Variants in TMEM108 observed in about 807,000 individuals in gnomAD.
The protein encoded by TMEM108 is transmembrane protein 108.
In TMEM108, 12 loss-of-function variants were observed where a neutral mutation model predicts 35.1. The observed-to-expected ratio is 0.34, with a 90% confidence interval of 0.22 to 0.55. TMEM108 has a LOEUF of 0.55. Among genes scored for constraint, TMEM108 ranks in the 20% least tolerant of loss-of-function variants. The pLI, the probability that TMEM108 is intolerant of heterozygous loss-of-function variation, is 0.89. For missense variants in TMEM108, 680 were observed against 753.3 expected (o/e 0.90, Z 1.14); for synonymous variants, 287 against 308.6 (o/e 0.93, Z 0.73).
intron 2 of TMEM108, among the ~76,000 whole-genome samples, chr3:133,057,578 C>G (rs954251975): frequency 6.7e-6 from 1 of 150,258 alleles, no homozygotes. Flanking sequence ...CTTCTGCATT[C>G]TTTGGTTATT....
At chr3:133,276,141 A>G (rs1946835443) in intron 3 of TMEM108, among the ~76,000 whole-genome samples, 1 of 152,230 alleles carries the variant, frequency 6.6e-6, no homozygotes, top group East Asian at 1.9e-4. Context: ...ATTAAGATAA[A>G]TAGCAAACAC....
At chr3:133,046,336 G>T (rs759006754) in intron 2 of TMEM108, among the ~76,000 whole-genome samples, 2 of 152,172 alleles carry the variant, frequency 1.3e-5, no homozygotes, top group Non-Finnish European at 2.9e-5. Context: ...ATGGGAACAG[G>T]GCCTGATTAT....
At chr3:133,316,583 G>C (rs771884071) in intron 3 of TMEM108, among the ~76,000 whole-genome samples, 18 of 152,246 alleles carry the variant, frequency 1.2e-4, no homozygotes, top group Non-Finnish European at 2.5e-4. Context: ...AAGGCAGGGA[G>C]AGGAGAAAGA....
At chr3:133,088,923 T>A (rs1943914553) in intron 2 of TMEM108, among the ~76,000 whole-genome samples, 1 of 152,158 alleles carries the variant, frequency 6.6e-6, no homozygotes, top group Admixed American at 6.5e-5. Context: ...AAGAAGAGAT[T>A]TAATTGGCTC....
rs549038334 is a variant in TMEM108 at position 133,229,232 on chromosome 3, C to G, written c.-46-34C>G. On this transcript the variant is annotated intron_variant, in intron 2 of 5. Coordinates refer to ENST00000321871, the MANE Select transcript of TMEM108 (RefSeq NM_023943.4). ...TTTCTGATTTTTAAATTATGTTCCT[C>G]AGATGTAACAATTTTCTTCTCCCAA... The G allele has an allele frequency of 5.1e-6, 7 of 1,382,800 alleles. No homozygotes were observed. In the African/African-American group the frequency reaches 8.6e-5, roughly 17 times the overall value. The allele number at this position is 1,382,800 out of a possible 1,614,324, so 85.7% of individuals were successfully genotyped here.
chr3:133,390,396 G>C, intron 5 of TMEM108, 62 bp downstream of exon 5: 1 of 1,581,996 alleles, frequency 6.3e-7, no homozygotes, highest in Non-Finnish European at 8.6e-7. Context: ...GAGCCATGGG[G>C]CATCTGCTCA....
At position 133,248,098 on chromosome 3, in the gene TMEM108, C is replaced by T. The variant is rs376234458; in HGVS notation, c.40+18747C>T. On this transcript the variant is annotated intron_variant, in intron 3 of 5. Coordinates refer to ENST00000321871, the MANE Select transcript of TMEM108 (RefSeq NM_023943.4). ...CTAGTAATAAAAATAATGTTTGATC[C>T]ACCTCTGACTCCTCTATGTATGTTT... The T allele has an allele frequency of 5.3e-5, 8 of 152,234 alleles. 1 individual carries two copies. The highest frequency in any genetic ancestry group is 1.9e-4 in the African/African-American group (8 of 41,536). 9.4% of individuals were successfully genotyped at this position (152,234 alleles called of 1,614,324 possible). A position where few individuals can be genotyped will look rare whatever the true frequency, so the allele number is the denominator to read the frequency against.
chr3:133,259,662 A>G (rs1946597467), intron 3 of TMEM108, among the ~76,000 whole-genome samples: 1 of 152,246 alleles, frequency 6.6e-6, no homozygotes, highest in South Asian at 2.1e-4. Flanking sequence ...GTTCAAGGAA[A>G]TAGAATTTTT....
intron 2 of TMEM108, among the ~76,000 whole-genome samples, chr3:133,126,066 G>A (rs961691046): frequency 1.3e-4 from 20 of 152,188 alleles, no homozygotes; most frequent in African/African-American, 4.6e-4. Flanking sequence ...TACTGGGAGA[G>A]TATAATCTAA....
chr3:133,388,435 C>G, intron 4 of TMEM108: 1 of 985,462 alleles, frequency 1.0e-6, no homozygotes, highest in Non-Finnish European at 1.2e-6. Context: ...CCACAGCCCC[C>G]TCCTTGCCCC....
intron 2 of TMEM108, among the ~76,000 whole-genome samples, chr3:133,145,781 T>C (rs147389603): frequency 6.6e-6 from 1 of 152,286 alleles, no homozygotes; most frequent in East Asian, 1.9e-4. Flanking sequence ...GTTATTGGTG[T>C]ATAGGAATGC....
chr3:133,093,619 A>C (rs1943975362), intron 2 of TMEM108, among the ~76,000 whole-genome samples: 1 of 152,228 alleles, frequency 6.6e-6, no homozygotes, highest in Non-Finnish European at 1.5e-5. Context: ...TGTGACTTGT[A>C]GACAGTCTAT....
At chr3:133,274,269 T>C (rs1946810463) in intron 3 of TMEM108, among the ~76,000 whole-genome samples, 1 of 152,250 alleles carries the variant, frequency 6.6e-6, no homozygotes, top group Non-Finnish European at 1.5e-5. Context: ...TTGTTTTTCA[T>C]AAACTGTGCT....
chr3:133,093,831 T>C (rs1211433539), intron 2 of TMEM108, among the ~76,000 whole-genome samples: 2 of 152,214 alleles, frequency 1.3e-5, no homozygotes, highest in African/African-American at 4.8e-5. Flanking sequence ...AATCTAGCTA[T>C]AAGTAGAGAT....
chr3:133,069,657 G>T (rs1943652690), intron 2 of TMEM108, among the ~76,000 whole-genome samples: 1 of 152,046 alleles, frequency 6.6e-6, no homozygotes, highest in South Asian at 2.1e-4. Context: ...AGAATTAGTG[G>T]CATCATGTGA....
At chr3:133,211,210 C>G (rs1945829904) in intron 2 of TMEM108, among the ~76,000 whole-genome samples, 1 of 152,052 alleles carries the variant, frequency 6.6e-6, no homozygotes, top group African/African-American at 2.4e-5. Flanking sequence ...ATGTTCTTTT[C>G]ACATGTAAAA....
intron 2 of TMEM108, among the ~76,000 whole-genome samples, chr3:133,105,149 C>T (rs1944134363): frequency 6.6e-6 from 1 of 152,218 alleles, no homozygotes; most frequent in African/African-American, 2.4e-5. Context: ...CTTGACTCTG[C>T]TGACATCTCT....
In TMEM108 at chr3:133,396,050, A is replaced by T; in HGVS notation, c.*64A>T. 3 of 1,105,404 alleles carry T rather than the reference A, an allele frequency of 2.7e-6. No individual in the cohort carries two copies. Among genetic ancestry groups the T allele is most frequent in the Non-Finnish European group, 3.5e-6 (3 of 866,508 alleles). 68.5% of individuals were successfully genotyped at this position (1,105,404 alleles called of 1,614,324 possible). ...CTCTAAATTATAAATATACAAATAC[A>T]TATATTATAAATATAACCTTTGTGT... is the stretch of plus-strand genomic sequence containing the variant. On this transcript the variant is annotated 3_prime_UTR_variant, in exon 6 of 6. Transcript: ENST00000321871.
intron 2 of TMEM108, among the ~76,000 whole-genome samples, chr3:133,175,166 T>C (rs1013014235): frequency 1.3e-5 from 2 of 152,142 alleles, no homozygotes; most frequent in Non-Finnish European, 2.9e-5. Context: ...CCAAGAAATA[T>C]GGGACTATGT....
Sources: gnomAD v4.1 joint callset for allele counts (sites outside exome capture counted in the v4.1 genomes callset) on GRCh38, gnomAD v4.1.1 for gene constraint, MANE v1.5 for transcripts, NCBI Gene and HGNC (gene_info 2026-07-23, HGNC 2026-07-21) for gene names.